CHD1: variants seen among roughly 807,000 people sequenced by gnomAD.
CHD1 encodes the protein chromodomain helicase DNA binding protein 1, also known as ATP-dependent chromatin remodeler CHD1.
A neutral mutation model predicts 224.2 loss-of-function variants in CHD1; 36 were observed. That is an observed-to-expected ratio of 0.16 (90% confidence interval 0.12 to 0.21). CHD1 has a LOEUF of 0.21. CHD1 is among the 10% of genes least tolerant of loss of function. The pLI, the probability that CHD1 is intolerant of heterozygous loss-of-function variation, is 1.00. For synonymous variants in CHD1, 668 were observed against 658.3 expected, an observed-to-expected ratio of 1.01 and a Z score of -0.23; for missense variants, 1,378 against 1,994.8, an observed-to-expected ratio of 0.69 and a Z score of 5.89.
At chr5:98,871,544 T>A (rs1749348632) in intron 28 of CHD1, among the ~76,000 whole-genome samples, 1 of 151,976 alleles carries the variant, frequency 6.6e-6, no homozygotes, top group East Asian at 1.9e-4. Flanking sequence ...TATAGTTAGA[T>A]GGAAGAAATA....
At chr5:98,903,229 T>C (rs148450506) in intron 4 of CHD1, among the ~76,000 whole-genome samples, 106 of 152,324 alleles carry the variant, frequency 7.0e-4, no homozygotes, top group Non-Finnish European at 1.4e-3. Context: ...GAGACCATTA[T>C]TGTTGCCTAG....
At chr5:98,916,356 A>G (rs1752731175) in intron 2 of CHD1, among the ~76,000 whole-genome samples, 1 of 151,486 alleles carries the variant, frequency 6.6e-6, no homozygotes, top group South Asian at 2.1e-4. Context: ...GACCAGCCTG[A>G]CCACCATGGA....
chr5:98,920,046 A>C (rs1328400059), intron 2 of CHD1, among the ~76,000 whole-genome samples: 1 of 152,134 alleles, frequency 6.6e-6, no homozygotes, highest in Admixed American at 6.5e-5. Flanking sequence ...TTTAAGTAAC[A>C]AAAAAGTCAA....
intron 12 of CHD1, 102 bp downstream of exon 12, chr5:98,896,124 C>A: frequency 1.0e-6 from 1 of 975,030 alleles, no homozygotes; most frequent in South Asian, 1.5e-5. Context: ...CACTGCACTC[C>A]AGCCTGGGAG....
intron 19 of CHD1, 116 bp downstream of exon 19, chr5:98,882,972 A>G (rs763431964): frequency 1.6e-4 from 99 of 630,762 alleles, no homozygotes; most frequent in Middle Eastern, 9.6e-4. Context: ...TATCGGTTAA[A>G]CAGTAGTATG....
chr5:98,865,931 G>A (rs892156162), intron 31 of CHD1, among the ~76,000 whole-genome samples: 1 of 134,370 alleles, frequency 7.4e-6, no homozygotes, highest in Non-Finnish European at 1.6e-5. Context: ...GAAAAAGTCC[G>A]AAGATTAAAA....
intron 26 of CHD1, among the ~76,000 whole-genome samples, chr5:98,873,263 A>G (rs1561492581): frequency 6.6e-6 from 1 of 152,182 alleles, no homozygotes; most frequent in African/African-American, 2.4e-5. Context: ...CATCTATACT[A>G]AAAAACCTAT....
rs758004117 is a variant in CHD1, at chr5:98,892,713, C to T, written c.1992G>A (p.Lys664=). The change falls in exon 15 of 36, where the codon AAG becomes AAA. Residue 664 remains lysine (K), a splice_region_variant and synonymous_variant. Coordinates refer to ENST00000614616, the MANE Select transcript of CHD1 (RefSeq NM_001270.4). ...WSLLHFIMPE[K]FSSWEDFEEE... is the part of the protein sequence containing the mutation. ...CTTCAAAATCTTCCCAGGAAGAAAACCTTTAAAATTTAAGAAATTGGAACA... is the reference window on the plus strand; with the variant it reads ...CTTCAAAATCTTCCCAGGAAGAAAATCTTTAAAATTTAAGAAATTGGAACA... 1 of 1,563,912 alleles carries T rather than the reference C, an allele frequency of 6.4e-7. No homozygotes were observed. Among genetic ancestry groups the T allele is most frequent in the Non-Finnish European group, 8.7e-7 (1 of 1,152,622 alleles).
At position 98,876,477 on chromosome 5, in the gene CHD1, T is replaced by C; in HGVS notation, c.3319A>G (p.Lys1107Glu). Residue 1107 changes from lysine (K) to glutamate (E), a missense_variant, in exon 24 of 36, where the codon AAA becomes GAA. Lys to Glu is a moderately conservative substitution (Grantham distance 56). Around this residue, in one of 16 missense-constraint regions of CHD1, gnomAD observed 286 missense variants for 445.1 expected, o/e 0.64. Transcript: ENST00000614616. The part of the protein sequence containing the change: ...GSDSDSISEG[K>E]RPKKRGRPRT... ...GGTCTTCCACGTTTCTTTGGCCTTTTCCCTTCTGAGATGGAATCACTATCA... is the reference window on the plus strand; with the variant it reads ...GGTCTTCCACGTTTCTTTGGCCTTTCCCCTTCTGAGATGGAATCACTATCA... 1 of 1,614,122 alleles carries C rather than the reference T, an allele frequency of 6.2e-7. No homozygotes were observed. The highest frequency in any genetic ancestry group is 8.5e-7 in the Non-Finnish European group (1 of 1,179,974).
At chr5:98,875,355 G>T (rs1252520822) in intron 24 of CHD1, among the ~76,000 whole-genome samples, 2 of 151,996 alleles carry the variant, frequency 1.3e-5, no homozygotes, top group East Asian at 1.9e-4. Context: ...TAAAACAATA[G>T]AAGCTAAATT....
At position 98,876,332 on chromosome 5, in the gene CHD1, G is replaced by A. The variant is rs920523515; in HGVS notation, c.3398+66C>T. On this transcript the variant is annotated intron_variant, in intron 24 of 35. Transcript: ENST00000614616. ...CATCACAATTTTTGAAAATTACGGC[G>A]TTTTTACATTTTAGTTTCACACTCT... The A allele has an allele frequency of 6.9e-5, 102 of 1,486,378 alleles. No individual in the cohort carries two copies. In the African/African-American group the frequency reaches 7.0e-4, roughly 10 times the overall value. The allele number at this position is 1,486,378 out of a possible 1,614,324, so 92.1% of individuals were successfully genotyped here.
At position 98,898,294 on chromosome 5, in the gene CHD1, TG is replaced by T; in HGVS notation, c.1326del (p.Ser442ArgfsTer16). The T allele has an allele frequency of 6.4e-7, 1 of 1,568,828 alleles. No individual in the cohort carries two copies. Among genetic ancestry groups the T allele is most frequent in the South Asian group, 1.2e-5 (1 of 80,630 alleles). On this transcript the variant is annotated frameshift_variant, in exon 10 of 36. Transcript: ENST00000614616. LOFTEE classifies it high-confidence loss of function. ...KFQACIDEYF[S>X]RNQSKTTPFK... ...AAAGGAGTGGTTTTTGATTGGTTCC[TG>T]CTAAAATACTCATCAATGCATGCTT...
intron 2 of CHD1, among the ~76,000 whole-genome samples, chr5:98,916,806 T>C (rs1379780362): frequency 6.6e-6 from 1 of 152,076 alleles, no homozygotes; most frequent in East Asian, 1.9e-4. Context: ...GGGTGGACAA[T>C]GGGTTAATCC....
Position 98,856,543 on chromosome 5 carries a change from T to A in CHD1, c.4970A>T (p.Asp1657Val). The change falls in exon 36 of 36, where the codon GAT (aspartate) becomes GTT (valine). Residue 1657 changes from aspartate to valine, a missense_variant. Physicochemically the swap from Asp to Val is radical, Grantham distance 152 (BLOSUM62 -3). Transcript: ENST00000614616. ...SEYTHHKSSR[D>V]YRYHSDWQMD... Reference sequence around the variant, plus strand: ...TTGCCAGTCTGAGTGATACCTATAATCCCTGGAAGATTTATGGTGCGTATA... The same window carrying A: ...TTGCCAGTCTGAGTGATACCTATAAACCCTGGAAGATTTATGGTGCGTATA... 6.2e-7 allele frequency: 1 copy of A among 1,613,856 alleles called. No homozygotes were observed. Among genetic ancestry groups the A allele is most frequent in the Non-Finnish European group, 8.5e-7 (1 of 1,179,836 alleles).
chr5:98,919,541 C>A (rs764411880), intron 2 of CHD1, among the ~76,000 whole-genome samples: 5 of 151,976 alleles, frequency 3.3e-5, no homozygotes, highest in Non-Finnish European at 7.4e-5. Context: ...TAAAGTATAT[C>A]CTAAAAATTC....
In CHD1 at chr5:98,899,476, T is replaced by C. The variant is rs1218150246; in HGVS notation, c.1085+4A>G. 6.5e-7 allele frequency: 1 copy of C among 1,535,166 alleles called. No homozygotes were observed. The highest frequency in any genetic ancestry group is 9.0e-7 in the Non-Finnish European group (1 of 1,110,830). ...AAGAAGTATATGATATACAGCATACTTACCATCTTTTTGTTTCCTGATCTT... is the reference window on the plus strand; with the variant it reads ...AAGAAGTATATGATATACAGCATACCTACCATCTTTTTGTTTCCTGATCTT... On this transcript the variant is annotated splice_donor_region_variant and intron_variant, in intron 8 of 35. Transcript: ENST00000614616.
intron 34 of CHD1, 108 bp downstream of exon 34, chr5:98,858,856 A>G: frequency 3.3e-6 from 2 of 610,338 alleles, no homozygotes; most frequent in South Asian, 5.9e-5. Flanking sequence ...AAAGGTACTT[A>G]TAAATAAAAA....
At chr5:98,919,729 G>A (rs1294410462) in intron 2 of CHD1, among the ~76,000 whole-genome samples, 1 of 152,138 alleles carries the variant, frequency 6.6e-6, no homozygotes, top group Admixed American at 6.5e-5. Context: ...TCACGTTTAT[G>A]TATGAGATAA....
rs775154564 is a variant in CHD1 at position 98,884,307 on chromosome 5, C to T, written c.2569-1070G>A. On this transcript the variant is annotated intron_variant, in intron 18 of 35. Coordinates refer to ENST00000614616, the MANE Select transcript of CHD1 (RefSeq NM_001270.4). ...GCCAGAATGGTCTCGATCTCCTGAC[C>T]TCATGATCCGCCCGTCTCAGCCTCC... Among the ~76,000 whole-genome samples the T allele has an allele frequency of 3.9e-4, 59 of 152,048 alleles. 1 individual carries two copies. Among genetic ancestry groups the T allele is most frequent in the Admixed American group, 2.8e-3 (42 of 15,254 alleles).
Sources: gnomAD v4.1 joint callset for allele counts (sites outside exome capture counted in the v4.1 genomes callset) on GRCh38, gnomAD v4.1.1 for gene constraint, gnomAD v4.1.1 regional missense constraint, MANE v1.5 for transcripts, NCBI Gene and HGNC (gene_info 2026-07-23, HGNC 2026-07-21) for gene names.